Variants in NFASC observed in about 807,000 individuals in gnomAD.
NFASC encodes the protein neurofascin.
Under a neutral mutation model 147.5 loss-of-function variants are expected in NFASC, and 43 were observed. That is an observed-to-expected ratio of 0.29 (90% CI 0.23 to 0.38). The LOEUF (loss-of-function observed/expected upper bound fraction) is 0.38, where lower values mean the gene tolerates loss of function less well. Among genes scored for constraint, NFASC ranks in the 10% least tolerant of loss-of-function variants. NFASC has a pLI of 1.00. For missense variants in NFASC, 1,320 were observed against 1,689.0 expected (o/e 0.78, Z 3.83); for synonymous variants, 622 against 665.5 (o/e 0.93, Z 1.01).
intron 2 of NFASC, among the ~76,000 whole-genome samples, chr1:204,934,872 A>G (rs137858612): frequency 1.3e-5 from 2 of 152,334 alleles, no homozygotes; most frequent in Non-Finnish European, 2.9e-5. Flanking sequence ...GAAGAAAAAT[A>G]TGGGCACTGT....
intron 1 of NFASC, among the ~76,000 whole-genome samples, chr1:204,918,884 C>G (rs2149415424): frequency 6.6e-6 from 1 of 152,208 alleles, no homozygotes; most frequent in East Asian, 1.9e-4. Context: ...CTGTGCCCAC[C>G]CTCTTTGAAA....
intron 1 of NFASC, among the ~76,000 whole-genome samples, chr1:204,844,415 G>A (rs916117751): frequency 1.3e-5 from 2 of 152,162 alleles, no homozygotes; most frequent in Non-Finnish European, 2.9e-5. Context: ...TGGCTTTGGT[G>A]AGCAACCATA....
At chr1:204,981,118 G>A (rs79831815) in intron 20 of NFASC, among the ~76,000 whole-genome samples, 1,992 of 152,354 alleles carry the variant, frequency 0.013, 31 homozygotes, top group African/African-American at 0.046. Flanking sequence ...GAGATGCAGT[G>A]TTTGGGATCA....
chr1:204,906,308 A>C (rs1426381894), intron 1 of NFASC, among the ~76,000 whole-genome samples: 1 of 152,186 alleles, frequency 6.6e-6, no homozygotes, highest in Non-Finnish European at 1.5e-5. Context: ...CACCATAAGC[A>C]AGATACAGAA....
At position 204,898,041 on chromosome 1, in the gene NFASC, T is replaced by G. The variant is rs567334395; in HGVS notation, c.-199-22591T>G. 2.6e-5 allele frequency among the ~76,000 whole-genome samples: 4 copies of G among 152,282 alleles called. No individual in the cohort carries two copies. In the East Asian group the frequency reaches 7.7e-4, roughly 29 times the overall value. Reference sequence around the variant, plus strand: ...GCGTAAGCCACCGCACCAAGCCGCCTGGCTAATTTTTAAAAATTGTTTGTA... The same window carrying G: ...GCGTAAGCCACCGCACCAAGCCGCCGGGCTAATTTTTAAAAATTGTTTGTA... On this transcript the variant is annotated intron_variant, in intron 1 of 29. Coordinates refer to ENST00000339876, the MANE Select transcript of NFASC (RefSeq NM_001005388.3).
intron 3 of NFASC, chr1:204,947,136 A>G: frequency 3.3e-6 from 1 of 306,092 alleles, no homozygotes. Flanking sequence ...GCAAGTTCAC[A>G]GGGGTCCTCA....
At position 204,954,892 on chromosome 1, in the gene NFASC, C is replaced by T. The variant is rs3795564; in HGVS notation, c.476C>T (p.Thr159Met). 8.6e-3 allele frequency: 13,847 copies of T among 1,614,124 alleles called. 137 individuals are homozygous for T. The highest frequency in any genetic ancestry group is 0.018 in the East Asian group (786 of 44,880). Residue 159 changes from threonine (T) to methionine (M), a missense_variant, in exon 7 of 30, where the codon ACG becomes ATG. Coordinates refer to ENST00000339876, the MANE Select transcript of NFASC (RefSeq NM_001005388.3). This position sits in a 1 kb window ranked among gnomAD's most constrained non-coding sequence, Gnocchi z 5.7. ...PVVVQEGAPL[T>M]LQCNPPPGLP... ...GTGGTCCAAGAGGGCGCTCCTTTGA[C>T]GCTCCAGTGCAACCCCCCGCCTGGA...
chr1:204,989,089 A>G, intron 23 of NFASC: 3 of 483,036 alleles, frequency 6.2e-6, no homozygotes, highest in Non-Finnish European at 1.1e-5. Flanking sequence ...TTGTAGAGGA[A>G]TAAGGAAGAG....
chr1:204,911,939 TGCAGGGGCTATTAAGTCTGCAG>T (rs1164513772), intron 1 of NFASC, among the ~76,000 whole-genome samples: 1 of 152,210 alleles, frequency 6.6e-6, no homozygotes, highest in East Asian at 1.9e-4. Flanking sequence ...CTTATAGCCC[TGCAGGGGCTATTAAGTCTGCAG>T]GGGCTACAGT....
chr1:204,968,145 CGGCAGGG>C lies in NFASC; in HGVS notation c.707-102_707-96del. The C allele has an allele frequency of 1.2e-6, 1 of 807,934 alleles. No individual in the cohort carries two copies. The highest frequency in any genetic ancestry group is 2.1e-6 in the Non-Finnish European group (1 of 470,340). 50.0% of individuals were successfully genotyped at this position (807,934 alleles called of 1,614,324 possible). A position where few individuals can be genotyped will look rare whatever the true frequency, so the allele number is the denominator to read the frequency against. On this transcript the variant is annotated intron_variant, in intron 8 of 29. Transcript: ENST00000339876. The surrounding 1 kb of genome is among the most constrained non-coding windows in gnomAD (Gnocchi z 5.4). ...TGGGATGGTTTCAGCTGGGAGGATC[CGGCAGGG>C]GCGGTGATGCCACTTCTCTCTAGCC...
At chr1:204,946,647 T>G (rs1442287310) in intron 3 of NFASC, 2 of 510,548 alleles carry the variant, frequency 3.9e-6, no homozygotes, top group Admixed American at 2.0e-5. Context: ...CTCCTGGGCC[T>G]CCTGTACTGC....
chr1:204,861,488 C>T (rs2102852214), intron 1 of NFASC, among the ~76,000 whole-genome samples: 1 of 152,118 alleles, frequency 6.6e-6, no homozygotes, highest in South Asian at 2.1e-4. Flanking sequence ...CTGCCAGACT[C>T]ATCTCACTTC....
chr1:205,002,840 A>T, intron 27 of NFASC, 92 bp downstream of exon 27: 1 of 1,027,244 alleles, frequency 9.7e-7, no homozygotes, highest in South Asian at 2.8e-5. Context: ...CTCGGAAAGA[A>T]GACTCATCCC....
In NFASC at chr1:204,968,076, C is replaced by T; in HGVS notation, c.707-173C>T. On this transcript the variant is annotated intron_variant, in intron 8 of 29. Coordinates refer to ENST00000339876, the MANE Select transcript of NFASC (RefSeq NM_001005388.3). This position sits in a 1 kb window ranked among gnomAD's most constrained non-coding sequence, Gnocchi z 5.4. ...CTCTCATGTAGGTGGGGCTGAGGAG[C>T]CCTGGGCTTCCTAACACACCTCACT... is the stretch of plus-strand genomic sequence containing the variant. The T allele has an allele frequency of 1.7e-6, 1 of 587,084 alleles. No homozygotes were observed. Among genetic ancestry groups the T allele is most frequent in the Non-Finnish European group, 3.1e-6 (1 of 325,198 alleles). The allele number at this position is 587,084 out of a possible 1,614,324, so 36.4% of individuals were successfully genotyped here.
At chr1:204,993,469 C>T (rs998556455) in intron 24 of NFASC, among the ~76,000 whole-genome samples, 2 of 152,218 alleles carry the variant, frequency 1.3e-5, no homozygotes, top group Non-Finnish European at 2.9e-5. Flanking sequence ...CATGTCATCT[C>T]TCCTCAGTGT....
chr1:204,988,468 T>C (rs997600007), intron 22 of NFASC, among the ~76,000 whole-genome samples, 165 bp from the exon 23 acceptor site: 8 of 152,252 alleles, frequency 5.3e-5, no homozygotes, highest in African/African-American at 1.9e-4. Context: ...AGGGAGTTCT[T>C]GCCGAGTGTT....
At chr1:204,941,816 C>T (rs1023055797) in intron 2 of NFASC, among the ~76,000 whole-genome samples, 3 of 152,294 alleles carry the variant, frequency 2.0e-5, no homozygotes, top group Admixed American at 6.5e-5. Context: ...GGTTTCCTCT[C>T]CAGAGAGCAC....
At chr1:204,906,887 G>T (rs909394257) in intron 1 of NFASC, among the ~76,000 whole-genome samples, 14 of 152,262 alleles carry the variant, frequency 9.2e-5, no homozygotes, top group African/African-American at 1.9e-4. Context: ...GTTTCACCAT[G>T]TTAGCCAGGA....
intron 27 of NFASC, 29 bp downstream of exon 27, chr1:205,002,777 C>T (rs182005592): frequency 2.1e-6 from 3 of 1,408,342 alleles, no homozygotes; most frequent in Non-Finnish European, 2.8e-6. Flanking sequence ...TGGCCATCCC[C>T]TGCAAGCATG....
Sources: gnomAD v4.1 joint callset for allele counts (sites outside exome capture counted in the v4.1 genomes callset) on GRCh38, gnomAD v4.1.1 for gene constraint, Gnocchi (gnomAD v3.1) non-coding constraint, MANE v1.5 for transcripts, NCBI Gene and HGNC (gene_info 2026-07-23, HGNC 2026-07-21) for gene names.